The following SP100 variants were observed in gnomAD, a reference collection of about 807,000 sequenced individuals.
The protein encoded by SP100 is nuclear autoantigen Sp-100.
Under a neutral mutation model 130.0 loss-of-function variants are expected in SP100, and 84 were observed. The observed-to-expected ratio is 0.65, with a 90% CI of 0.54 to 0.77. The LOEUF (loss-of-function observed/expected upper bound fraction) is 0.77, where lower values mean the gene tolerates loss of function less well. Among genes scored for constraint, SP100 ranks in the 30% least tolerant of loss-of-function variants. The pLI is 0.00. For synonymous variants in SP100, 331 were observed against 351.7 expected (o/e 0.94, Z 0.66); for missense variants, 978 against 1,052.2 (o/e 0.93, Z 0.97).
At chr2:230,468,958 A>G (rs778382326) in intron 13 of SP100, 85 bp from the exon 14 acceptor site, 4 of 807,244 alleles carry the variant, frequency 5.0e-6, no homozygotes, top group Non-Finnish European at 8.1e-6. Flanking sequence ...TTTATAGTCC[A>G]AATTCTGTCA....
chr2:230,447,328 A>G (rs7594017), intron 5 of SP100, among the ~76,000 whole-genome samples: 60 of 152,294 alleles, frequency 3.9e-4, no homozygotes, highest in African/African-American at 1.4e-3. Context: ...CATGTCGGTG[A>G]TCTCCCCACA....
At chr2:230,435,089 C>G (rs1163134448) in intron 2 of SP100, among the ~76,000 whole-genome samples, 2 of 152,178 alleles carry the variant, frequency 1.3e-5, no homozygotes, top group Non-Finnish European at 2.9e-5. Context: ...GTTGCCACAT[C>G]TTTTCTGAAA....
At chr2:230,528,364 GT>G (rs773534975) in intron 24 of SP100, among the ~76,000 whole-genome samples, 1 of 152,156 alleles carries the variant, frequency 6.6e-6, no homozygotes, top group African/African-American at 2.4e-5. Context: ...AAATAAATAT[GT>G]TCTTTGAAAC....
In SP100 at chr2:230,541,307, G is replaced by A; in HGVS notation, c.2338G>A (p.Glu780Lys). 1 of 1,613,876 alleles carries A rather than the reference G, an allele frequency of 6.2e-7. No homozygotes were observed. The highest frequency in any genetic ancestry group is 8.5e-7 in the Non-Finnish European group (1 of 1,179,808). Residue 780 changes from glutamate (E) to lysine (K), a missense_variant, in exon 27 of 29, where the codon GAA becomes AAA. Physicochemically the swap from Glu to Lys is moderately conservative, Grantham distance 56 (BLOSUM62 1). Transcript: ENST00000340126. ...TGGCCTCCATCTTTTGCAGAAATGT[G>A]AATTCCTCCTCTTGAAGGTCTACTG... ...QMLPEEQLKC[E>K]FLLLKVYCDS... is the part of the protein sequence containing the mutation.
At chr2:230,464,189 T>A in intron 11 of SP100, 39 bp downstream of exon 11, 1 of 1,228,784 alleles carries the variant, frequency 8.1e-7, no homozygotes, top group Non-Finnish European at 1.2e-6. Context: ...CTGTAGAATA[T>A]CCAGAGTACA....
At chr2:230,448,039 A>T (rs780777472) in intron 5 of SP100, among the ~76,000 whole-genome samples, 4 of 152,206 alleles carry the variant, frequency 2.6e-5, no homozygotes, top group Non-Finnish European at 4.4e-5. Flanking sequence ...ATGACTTAAG[A>T]TGTTTTAGGG....
intron 26 of SP100, 54 bp from the exon 27 acceptor site, chr2:230,541,247 G>A: frequency 2.1e-6 from 3 of 1,447,514 alleles, no homozygotes; most frequent in Non-Finnish European, 2.9e-6. Flanking sequence ...GCAAGCATAT[G>A]AGCTCTTTCT....
At chr2:230,519,371 A>G (rs1025296828) in intron 24 of SP100, among the ~76,000 whole-genome samples, 1 of 152,214 alleles carries the variant, frequency 6.6e-6, no homozygotes, top group Non-Finnish European at 1.5e-5. Flanking sequence ...CTTGGGTCAG[A>G]AAAAATTGTT....
intron 18 of SP100, among the ~76,000 whole-genome samples, chr2:230,494,680 T>G (rs1007219269): frequency 6.6e-6 from 1 of 152,214 alleles, no homozygotes; most frequent in African/African-American, 2.4e-5. Flanking sequence ...GTAGGCAGTC[T>G]GCCTTCCTTA....
chr2:230,416,445 T>C (rs751010335), intron 1 of SP100, 117 bp downstream of exon 1: 169 of 823,198 alleles, frequency 2.1e-4, no homozygotes, highest in Non-Finnish European at 3.2e-4. Flanking sequence ...AGAACATAGG[T>C]ATGCGATGTT....
intron 18 of SP100, 96 bp downstream of exon 18, chr2:230,494,556 G>A: frequency 2.3e-6 from 2 of 877,564 alleles, no homozygotes; most frequent in Non-Finnish European, 3.8e-6. Flanking sequence ...AATCTCCTAT[G>A]GGCCACGGTA....
chr2:230,541,254 T>G, intron 26 of SP100, 47 bp from the exon 27 acceptor site: 1 of 1,564,058 alleles, frequency 6.4e-7, no homozygotes, highest in Non-Finnish European at 8.8e-7. Context: ...TATGAGCTCT[T>G]TCTCTCTAAA....
chr2:230,419,841 T>C (rs12694866), intron 2 of SP100, among the ~76,000 whole-genome samples: 24,201 of 152,170 alleles, frequency 0.16, 2,159 homozygotes, highest in Non-Finnish European at 0.19. Context: ...AGGGAACTAG[T>C]GTGCTAAATT....
At chr2:230,473,585 G>A in intron 16 of SP100, 145 bp downstream of exon 16, 1 of 540,250 alleles carries the variant, frequency 1.9e-6, no homozygotes, top group African/African-American at 1.9e-5. Flanking sequence ...CAGGCCCCAA[G>A]CTTCAGAATT....
In SP100 at chr2:230,428,248, A is replaced by T. The variant is rs184446913; in HGVS notation, c.107+10583A>T. Reference sequence around the variant, plus strand: ...GTCTCAAAAAAAATAAATAAATAAAAAATAAAATAGAAGTACCTGAGACTG... The same window carrying T: ...GTCTCAAAAAAAATAAATAAATAAATAATAAAATAGAAGTACCTGAGACTG... On this transcript the variant is annotated intron_variant, in intron 2 of 28. Transcript: ENST00000340126. Among the ~76,000 whole-genome samples the T allele has an allele frequency of 3.3e-3, 502 of 152,254 alleles. 2 individuals are homozygous for T. The highest frequency in any genetic ancestry group is 5.6e-3 in the Non-Finnish European group (381 of 68,016).
intron 24 of SP100, among the ~76,000 whole-genome samples, chr2:230,527,891 T>A (rs116440589): frequency 4.1e-3 from 618 of 152,282 alleles, no homozygotes; most frequent in Non-Finnish European, 7.2e-3. Flanking sequence ...CTATCCTAAA[T>A]ACATGCACCC....
intron 8 of SP100, among the ~76,000 whole-genome samples, chr2:230,453,063 G>T (rs1311341005): frequency 6.6e-6 from 1 of 152,152 alleles, no homozygotes; most frequent in Admixed American, 6.5e-5. Flanking sequence ...AAGGAAAGGG[G>T]TTTAATTGAC....
intron 2 of SP100, among the ~76,000 whole-genome samples, chr2:230,430,826 T>A (rs6706317): frequency 0.019 from 2,852 of 152,330 alleles, 108 homozygotes; most frequent in African/African-American, 0.065. Flanking sequence ...CTGGGCTTTG[T>A]GCCTGGGCAG....
chr2:230,472,279 T>A (rs1678165), intron 15 of SP100, among the ~76,000 whole-genome samples: 2 of 151,330 alleles, frequency 1.3e-5, no homozygotes, highest in Non-Finnish European at 2.9e-5. Flanking sequence ...ACAAAAAAAA[T>A]TAGCCAGGCA....
Sources: allele counts gnomAD v4.1 joint callset (sites outside exome capture counted in the v4.1 genomes callset), GRCh38; gene constraint gnomAD v4.1.1; transcripts MANE v1.5; gene names NCBI Gene and HGNC (gene_info 2026-07-23, HGNC 2026-07-21).